The following LARS2 variants were observed in gnomAD, a reference collection of about 807,000 sequenced individuals.
LARS2 encodes leucyl-tRNA synthetase 2, mitochondrial.
Under a neutral mutation model 116.6 loss-of-function variants are expected in LARS2, and 81 were observed. That is an observed-to-expected ratio of 0.69 (90% CI 0.58 to 0.84). LARS2 has a LOEUF of 0.84. Among genes scored for constraint, LARS2 ranks in the 40% least tolerant of loss-of-function variants. The pLI is 0.00. For missense variants in LARS2, 968 were observed against 1,114.5 expected, an observed-to-expected ratio of 0.87 and a Z score of 1.87; for synonymous variants, 396 against 407.2, an observed-to-expected ratio of 0.97 and a Z score of 0.33.
At chr3:45,436,252 G>A (rs2125697691) in intron 6 of LARS2, among the ~76,000 whole-genome samples, 1 of 151,696 alleles carries the variant, frequency 6.6e-6, no homozygotes, top group African/African-American at 2.4e-5. Flanking sequence ...GAAACCTAGA[G>A]AACTGGCATC....
intron 6 of LARS2, among the ~76,000 whole-genome samples, chr3:45,444,065 C>T (rs373361769): frequency 1.0e-4 from 15 of 148,642 alleles, no homozygotes; most frequent in South Asian, 4.3e-4. Context: ...AGTGCACTGG[C>T]GTGATCTCAG....
chr3:45,513,111 T>C, intron 15 of LARS2, 24 bp from the exon 16 acceptor site: 1 of 1,517,110 alleles, frequency 6.6e-7, no homozygotes, highest in Non-Finnish European at 9.2e-7. Context: ...CCTCCTGTTT[T>C]CTTTTCCTGT....
At chr3:45,532,893 C>T (rs1367812766) in intron 20 of LARS2, among the ~76,000 whole-genome samples, 3 of 152,106 alleles carry the variant, frequency 2.0e-5, no homozygotes, top group Non-Finnish European at 2.9e-5. Context: ...CCGCCCACCT[C>T]AGCCTCCCAA....
chr3:45,401,303 A>G (rs1698144448), intron 4 of LARS2, among the ~76,000 whole-genome samples: 1 of 151,982 alleles, frequency 6.6e-6, no homozygotes, highest in African/African-American at 2.4e-5. Context: ...GGAGTTCGAG[A>G]CCAGCCTGAG....
At chr3:45,389,955 C>T (rs1472073978) in intron 1 of LARS2, among the ~76,000 whole-genome samples, 1 of 152,150 alleles carries the variant, frequency 6.6e-6, no homozygotes, top group East Asian at 1.9e-4. Context: ...GCCATGAATA[C>T]TGACTATATG....
chr3:45,524,710 A>C (rs367556929), intron 20 of LARS2, among the ~76,000 whole-genome samples: 48 of 152,350 alleles, frequency 3.2e-4, no homozygotes, highest in African/African-American at 1.2e-3. Context: ...TGCATGGGAA[A>C]GTCTTCAGAT....
chr3:45,485,646 G>C, intron 10 of LARS2, 46 bp from the exon 11 acceptor site: 1 of 1,032,724 alleles, frequency 9.7e-7, no homozygotes. Flanking sequence ...GATGGTGTTG[G>C]TGTCTCAGTT....
At chr3:45,395,348 C>G (rs1048200379) in intron 3 of LARS2, among the ~76,000 whole-genome samples, 3 of 152,168 alleles carry the variant, frequency 2.0e-5, no homozygotes, top group Admixed American at 2.0e-4. Context: ...TACACCAGCT[C>G]GGCACTCTAC....
At chr3:45,429,089 AGTT>A (rs74504277) in intron 6 of LARS2, among the ~76,000 whole-genome samples, 70,291 of 151,826 alleles carry the variant, frequency 0.46, 20,005 homozygotes, top group East Asian at 0.82. Flanking sequence ...TGTCTTTTAT[AGTT>A]GTTTTTACTC....
chr3:45,396,051 G>C (rs1055212921), intron 3 of LARS2, among the ~76,000 whole-genome samples: 1 of 152,126 alleles, frequency 6.6e-6, no homozygotes, highest in Non-Finnish European at 1.5e-5. Context: ...TTCCCTTTTG[G>C]TTTAGATAAT....
intron 4 of LARS2, among the ~76,000 whole-genome samples, chr3:45,412,315 G>A (rs975444272): frequency 3.3e-5 from 5 of 152,086 alleles, no homozygotes; most frequent in Non-Finnish European, 7.4e-5. Flanking sequence ...CCAAGAGTGT[G>A]TAAACATTCC....
intron 8 of LARS2, among the ~76,000 whole-genome samples, chr3:45,473,110 A>T (rs973636191): frequency 1.3e-5 from 2 of 152,228 alleles, no homozygotes; most frequent in Non-Finnish European, 2.9e-5. Flanking sequence ...CATTAGAGCC[A>T]TAGAGATCAC....
intron 6 of LARS2, among the ~76,000 whole-genome samples, chr3:45,439,441 G>A (rs1698867828): frequency 6.6e-6 from 1 of 151,800 alleles, no homozygotes; most frequent in Admixed American, 6.6e-5. Flanking sequence ...GGCTGTTCTT[G>A]AACTCCTTAC....
At chr3:45,536,763 G>A (rs530813096) in intron 20 of LARS2, among the ~76,000 whole-genome samples, 1 of 152,364 alleles carries the variant, frequency 6.6e-6, no homozygotes, top group African/African-American at 2.4e-5. Flanking sequence ...ACAAGAGAGT[G>A]TGTCCTAAGC....
Position 45,518,194 on chromosome 3 carries a change from C to T in LARS2, c.2214+122C>T, listed in dbSNP as rs1700402104. The T allele has an allele frequency of 3.1e-5, 21 of 673,056 alleles. No individual in the cohort carries two copies. In the South Asian group the frequency reaches 4.0e-4, roughly 13 times the overall value. The allele number at this position is 673,056 out of a possible 1,614,324, so 41.7% of individuals were successfully genotyped here. A position where few individuals can be genotyped will look rare whatever the true frequency, so the allele number is the denominator to read the frequency against. ...GGCCACTGTGGGTCTTCCTTCCTGG[C>T]AATGGCGGTCCTTCTTGCTTTGATT... On this transcript the variant is annotated intron_variant, in intron 18 of 21. Transcript: ENST00000645846.
chr3:45,546,073 C>G (rs113149759), intron 21 of LARS2, among the ~76,000 whole-genome samples: 7,532 of 152,284 alleles, frequency 0.049, 202 homozygotes, highest in Middle Eastern at 0.088. Context: ...CCCAGCACCC[C>G]CTCTGTAGGT....
At chr3:45,419,780 T>C (rs1559462870) in intron 6 of LARS2, 51 bp downstream of exon 6, 2 of 1,415,158 alleles carry the variant, frequency 1.4e-6, no homozygotes, top group Non-Finnish European at 2.0e-6. Flanking sequence ...AAGGACTTGA[T>C]GGCAGGGAGC....
intron 8 of LARS2, among the ~76,000 whole-genome samples, chr3:45,468,828 G>C (rs17077894): frequency 6.6e-6 from 1 of 152,232 alleles, no homozygotes; most frequent in Non-Finnish European, 1.5e-5. Flanking sequence ...ACATGGGGCT[G>C]TGTAATGAAA....
intron 21 of LARS2, among the ~76,000 whole-genome samples, chr3:45,546,727 G>A (rs1183599835): frequency 4.6e-5 from 7 of 152,080 alleles, no homozygotes; most frequent in Non-Finnish European, 8.8e-5. Context: ...ATCAATATTC[G>A]GTGAATACCC....
Sources: gnomAD v4.1 joint callset for allele counts (sites outside exome capture counted in the v4.1 genomes callset) on GRCh38, gnomAD v4.1.1 for gene constraint, MANE v1.5 for transcripts, NCBI Gene and HGNC (gene_info 2026-07-23, HGNC 2026-07-21) for gene names.